LEPR: variants seen among roughly 807,000 people sequenced by gnomAD.
LEPR encodes the protein leptin receptor, also known as OB receptor.
LEPR carries 56 observed loss-of-function variants against 114.7 expected under a neutral mutation model. The ratio of observed to expected loss-of-function variants is 0.49; its 90% confidence interval spans 0.39 to 0.61. The LOEUF (loss-of-function observed/expected upper bound fraction) is 0.61, where lower values mean the gene tolerates loss of function less well. Among genes scored for constraint, LEPR ranks in the 20% least tolerant of loss-of-function variants. The pLI is 0.00. For missense variants in LEPR, 1,202 were observed against 1,352.9 expected (o/e 0.89, Z 1.75); for synonymous variants, 443 against 461.4 (o/e 0.96, Z 0.51).
intron 11 of LEPR, among the ~76,000 whole-genome samples, chr1:65,605,977 T>C (rs2100952105): frequency 6.6e-6 from 1 of 152,254 alleles, no homozygotes; most frequent in South Asian, 2.1e-4. Context: ...TTTCAGTGAA[T>C]TTTCCCCTCA....
intron 5 of LEPR, among the ~76,000 whole-genome samples, chr1:65,586,040 G>A (rs1307313210): frequency 6.6e-6 from 1 of 151,916 alleles, no homozygotes; most frequent in Admixed American, 6.6e-5. Context: ...ACATGATTCA[G>A]GTTATAATTA....
intron 11 of LEPR, 47 bp downstream of exon 11, chr1:65,605,284 T>G (rs751814940): frequency 6.3e-7 from 1 of 1,597,914 alleles, no homozygotes; most frequent in Admixed American, 1.7e-5. Context: ...CAGATTTGTA[T>G]GCAGATTGAT....
rs753501652 is a variant in LEPR at position 65,636,965 on chromosome 1, A to G, written c.3448A>G (p.Thr1150Ala). The G allele has an allele frequency of 6.2e-7, 1 of 1,613,208 alleles. No homozygotes were observed. The highest frequency in any genetic ancestry group is 8.5e-7 in the Non-Finnish European group (1 of 1,179,764). Residue 1150 changes from threonine to alanine, a missense_variant, in exon 20 of 20, where the codon ACT becomes GCT. Transcript: ENST00000349533. The stretch of plus-strand genomic sequence containing the variant: ...CATGCCTCAATTCCAAACTTGTTCT[A>G]CTCAGACTCATAAGATCATGGAAAA... ...SYMPQFQTCS[T>A]QTHKIMENKM...
chr1:65,434,769 G>A, intron 2 of LEPR: 1 of 985,384 alleles, frequency 1.0e-6, no homozygotes, highest in African/African-American at 1.7e-5. Context: ...TCTCCCAACT[G>A]AGAACCTTCC....
chr1:65,620,300 G>A (rs1019797820), intron 17 of LEPR, among the ~76,000 whole-genome samples: 2 of 151,918 alleles, frequency 1.3e-5, no homozygotes, highest in African/African-American at 4.8e-5. Context: ...TTTTTAAATT[G>A]TCTTCAAATC....
At chr1:65,441,525 G>A (rs1237403501) in intron 2 of LEPR, among the ~76,000 whole-genome samples, 1 of 152,158 alleles carries the variant, frequency 6.6e-6, no homozygotes, top group Non-Finnish European at 1.5e-5. Flanking sequence ...TTAATGGCTG[G>A]TAGCACAATT....
chr1:65,513,908 G>A (rs1458642765), intron 2 of LEPR, among the ~76,000 whole-genome samples: 2 of 152,098 alleles, frequency 1.3e-5, no homozygotes, highest in Non-Finnish European at 2.9e-5. Flanking sequence ...TTTGGCTTAT[G>A]TATACAATTT....
intron 6 of LEPR, among the ~76,000 whole-genome samples, chr1:65,595,327 A>G (rs1352649006): frequency 6.6e-6 from 1 of 151,914 alleles, no homozygotes; most frequent in East Asian, 1.9e-4. Flanking sequence ...TGGCCTCCCA[A>G]CTCCATTGTG....
intron 2 of LEPR, among the ~76,000 whole-genome samples, chr1:65,469,788 T>C (rs534541405): frequency 1.2e-4 from 18 of 152,338 alleles, no homozygotes; most frequent in African/African-American, 3.8e-4. Context: ...CTGTGGACAC[T>C]GAGCTTTAAC....
chr1:65,580,158 A>G (rs1170818944), intron 5 of LEPR, among the ~76,000 whole-genome samples: 2 of 152,216 alleles, frequency 1.3e-5, no homozygotes, highest in Admixed American at 1.3e-4. Flanking sequence ...ACCAACTATC[A>G]CATGCTGTTT....
chr1:65,513,776 T>C (rs1359758), intron 2 of LEPR, among the ~76,000 whole-genome samples: 107,305 of 151,608 alleles, frequency 0.71, 39,056 homozygotes, highest in Middle Eastern at 0.87. Context: ...TGAAATAGCT[T>C]TATTCTGGCC....
At chr1:65,549,540 CT>C (rs1652104700) in intron 2 of LEPR, among the ~76,000 whole-genome samples, 1 of 151,988 alleles carries the variant, frequency 6.6e-6, no homozygotes, top group African/African-American at 2.4e-5. Flanking sequence ...CTAAACTTCC[CT>C]TCTCGCTTCA....
chr1:65,564,866 A>G (rs1287710353), intron 2 of LEPR, among the ~76,000 whole-genome samples: 2 of 152,228 alleles, frequency 1.3e-5, no homozygotes, highest in African/African-American at 4.8e-5. Flanking sequence ...ATTTGGATTT[A>G]TGACATAGTA....
chr1:65,461,350 T>A (rs1646943529), intron 2 of LEPR, among the ~76,000 whole-genome samples: 1 of 152,016 alleles, frequency 6.6e-6, no homozygotes, highest in Admixed American at 6.6e-5. Context: ...ATTCTAGCAC[T>A]GGGGCAGGAA....
chr1:65,426,371 G>A (rs1646369529), intron 2 of LEPR, among the ~76,000 whole-genome samples: 1 of 152,124 alleles, frequency 6.6e-6, no homozygotes, highest in Non-Finnish European at 1.5e-5. Flanking sequence ...TGCCTGCCGT[G>A]TAGAGGAGGT....
intron 2 of LEPR, among the ~76,000 whole-genome samples, chr1:65,544,980 C>G (rs1479059820): frequency 6.7e-6 from 1 of 149,852 alleles, no homozygotes; most frequent in Non-Finnish European, 1.5e-5. Flanking sequence ...CAACAGTCCC[C>G]AGAGTGTGAT....
intron 6 of LEPR, among the ~76,000 whole-genome samples, chr1:65,595,151 A>G (rs1655973259): frequency 7.3e-6 from 1 of 137,354 alleles, no homozygotes; most frequent in Admixed American, 7.2e-5. Context: ...AACAAAGATT[A>G]TTGGTTACAA....
chr1:65,488,928 T>C (rs544209776), intron 2 of LEPR, among the ~76,000 whole-genome samples: 190 of 152,316 alleles, frequency 1.2e-3, no homozygotes, highest in South Asian at 2.1e-3. Context: ...GTTTCATCTA[T>C]GTTGTTGCAA....
intron 2 of LEPR, among the ~76,000 whole-genome samples, chr1:65,517,924 G>T (rs2100570592): frequency 6.6e-6 from 1 of 152,308 alleles, no homozygotes; most frequent in East Asian, 1.9e-4. Flanking sequence ...GAGCTACATA[G>T]AATAGTCTAC....
Sources: allele counts gnomAD v4.1 joint callset (sites outside exome capture counted in the v4.1 genomes callset), GRCh38; gene constraint gnomAD v4.1.1; transcripts MANE v1.5; gene names NCBI Gene and HGNC (gene_info 2026-07-23, HGNC 2026-07-21).